Variants in COL6A5 observed in about 807,000 individuals in gnomAD.
COL6A5 encodes collagen alpha-5(VI) chain.
In COL6A5, 48 loss-of-function variants were observed where a neutral mutation model predicts 65.6. The ratio of observed to expected loss-of-function variants is 0.73; its 90% CI spans 0.58 to 0.93. COL6A5 has a LOEUF of 0.93. Among genes scored for constraint, COL6A5 ranks in the 40% least tolerant of loss-of-function variants. The pLI is 0.00. For missense variants in COL6A5, 914 were observed against 928.3 expected (o/e 0.98, Z 0.20); for synonymous variants, 291 against 322.8 (o/e 0.90, Z 1.05).
chr3:130,469,254 A>G (rs1179557193), exon 6 of COL6A5: 2 of 1,613,180 alleles, frequency 1.2e-6, no homozygotes, highest in African/African-American at 2.7e-5. Context: ...TCTGCTGGCG[A>G]AACCAACTCT....
At chr3:130,453,794 T>G (rs557941250) in intron 4 of COL6A5, among the ~76,000 whole-genome samples, 63 of 152,262 alleles carry the variant, frequency 4.1e-4, no homozygotes, top group African/African-American at 1.3e-3. Context: ...AAGGAGCTTC[T>G]CAGAGCAGAT....
At chr3:130,387,938 A>G (rs1012732830) in intron 5 of COL6A5, among the ~76,000 whole-genome samples, 2 of 151,122 alleles carry the variant, frequency 1.3e-5, no homozygotes, top group African/African-American at 2.4e-5. Context: ...ATATATATGT[A>G]TATATATATA....
intron 6 of COL6A5, 21 bp from the exon 39 acceptor site, chr3:130,470,850 A>G: frequency 6.3e-7 from 1 of 1,578,528 alleles, no homozygotes; most frequent in Non-Finnish European, 8.7e-7. Flanking sequence ...ATTTAGACTA[A>G]CCAGCCCACT....
In COL6A5 at chr3:130,391,561, G is replaced by A. The variant is rs1040032632; in HGVS notation, c.2799G>A (p.Gln933=). The A allele has an allele frequency of 3.0e-5, 46 of 1,551,550 alleles. No homozygotes were observed. In the East Asian group the frequency reaches 1.1e-3, roughly 37 times the overall value. Residue 933 remains glutamine, a synonymous_variant and NMD_transcript_variant, in exon 7 of 42, where the codon CAG becomes CAA. Transcript: ENST00000312481. Reference sequence around the variant, plus strand: ...ATGGGGAATCCCATGACCATGATCAGCTCAATGACACAGCATTGGAACTGA... The same window carrying A: ...ATGGGGAATCCCATGACCATGATCAACTCAATGACACAGCATTGGAACTGA...
chr3:130,464,827 C>T (rs1709776383), intron 5 of COL6A5, among the ~76,000 whole-genome samples: 2 of 151,994 alleles, frequency 1.3e-5, no homozygotes, highest in African/African-American at 4.8e-5. Flanking sequence ...GATGCAAAAT[C>T]CTGGTCAATT....
At chr3:130,469,088 G>A (rs1709886780) in exon 6 of COL6A5, 7 of 1,612,952 alleles carry the variant, frequency 4.3e-6, no homozygotes, top group Non-Finnish European at 5.9e-6. Flanking sequence ...ATTTGATTTG[G>A]TTACTTATAA....
exon 5 of COL6A5, chr3:130,385,204 G>A (rs777807098): frequency 1.3e-6 from 2 of 1,551,074 alleles, no homozygotes; most frequent in East Asian, 2.4e-5. Context: ...AGAGACTAAG[G>A]GCTGAGCAAA....
intron 1 of COL6A5, among the ~76,000 whole-genome samples, chr3:130,435,948 T>C (rs1709018362): frequency 6.6e-6 from 1 of 152,184 alleles, no homozygotes; most frequent in South Asian, 2.1e-4. Flanking sequence ...CTGATTGACC[T>C]GGCCAGAACT....
At chr3:130,455,913 C>T (rs1246388417) in intron 5 of COL6A5, among the ~76,000 whole-genome samples, 1 of 152,104 alleles carries the variant, frequency 6.6e-6, no homozygotes, top group African/African-American at 2.4e-5. Context: ...TAAGATTTCT[C>T]TAGCATCCAC....
intron 12 of COL6A5, among the ~76,000 whole-genome samples, chr3:130,402,267 T>A (rs1936842144): frequency 6.6e-6 from 1 of 152,102 alleles, no homozygotes; most frequent in Admixed American, 6.6e-5. Context: ...AGACCCCATC[T>A]CCTTAAAAAT....
chr3:130,434,489 C>A (rs1937959893), intron 1 of COL6A5, among the ~76,000 whole-genome samples: 1 of 152,164 alleles, frequency 6.6e-6, no homozygotes, highest in Non-Finnish European at 1.5e-5. Flanking sequence ...ATTTCTGATT[C>A]TAGATCCTTG....
chr3:130,365,657 T>TA (rs1369588100), intron 1 of COL6A5, among the ~76,000 whole-genome samples: 1 of 152,188 alleles, frequency 6.6e-6, no homozygotes, highest in Non-Finnish European at 1.5e-5. Flanking sequence ...AACTTACAGA[T>TA]AAAGACATTG....
chr3:130,456,599 A>G (rs898596589), intron 5 of COL6A5, among the ~76,000 whole-genome samples: 6 of 151,956 alleles, frequency 3.9e-5, no homozygotes, highest in Admixed American at 6.5e-5. Context: ...ATATACACCT[A>G]CTCTATATCC....
chr3:130,371,058 C>A (rs1935535598), intron 1 of COL6A5, among the ~76,000 whole-genome samples: 1 of 152,164 alleles, frequency 6.6e-6, no homozygotes, highest in Non-Finnish European at 1.5e-5. Flanking sequence ...CAGCTCTGAA[C>A]ATTTACTGGC....
chr3:130,388,773 T>A, exon 6 of COL6A5: 1 of 1,551,366 alleles, frequency 6.4e-7, no homozygotes, highest in Non-Finnish European at 8.7e-7. Context: ...TTAATAGATA[T>A]TTTACACAGC....
At chr3:130,484,250 A>C (rs1440929305) in exon 8 of COL6A5, 1 of 547,808 alleles carries the variant, frequency 1.8e-6, no homozygotes, top group Non-Finnish European at 3.2e-6. Flanking sequence ...GACATCAGTA[A>C]GAAGACCTGA....
intron 4 of COL6A5, among the ~76,000 whole-genome samples, chr3:130,444,098 G>C (rs1341010622): frequency 6.6e-6 from 1 of 152,146 alleles, no homozygotes; most frequent in East Asian, 1.9e-4. Flanking sequence ...ATTTGCTTTT[G>C]AAAGAAGAGA....
intron 5 of COL6A5, among the ~76,000 whole-genome samples, chr3:130,464,475 T>C (rs569509577): frequency 4.6e-5 from 7 of 152,074 alleles, no homozygotes; most frequent in Admixed American, 2.0e-4. Flanking sequence ...GTTGGCCTTT[T>C]TAAAGAAATT....
rs755838185 is a variant in COL6A5 at position 130,394,182 on chromosome 3, C to G, written c.2993-708C>G. Among the ~76,000 whole-genome samples, 316 of 152,192 alleles carry G rather than the reference C, an allele frequency of 2.1e-3. 2 individuals carry two copies. The highest frequency in any genetic ancestry group is 3.4e-3 in the Middle Eastern group (1 of 294). On this transcript the variant is annotated intron_variant and NMD_transcript_variant, in intron 7 of 41. Transcript: ENST00000312481. The stretch of plus-strand genomic sequence containing the variant: ...GGAGGTGACCTTATGCTCTGTTTAC[C>G]AGCCATTCACACTTCTTCTGAGAAG...
Sources: gnomAD v4.1 joint callset for allele counts (sites outside exome capture counted in the v4.1 genomes callset) on GRCh38, gnomAD v4.1.1 for gene constraint, MANE v1.5 for transcripts, NCBI Gene and HGNC (gene_info 2026-07-23, HGNC 2026-07-21) for gene names.